Variants in BEST3 observed in about 807,000 individuals in gnomAD.
The protein encoded by BEST3 is bestrophin-3.
BEST3 carries 50 observed loss-of-function variants against 47.1 expected under a neutral mutation model. That is an observed-to-expected ratio of 1.06 (90% CI 0.85 to 1.34). The LOEUF (loss-of-function observed/expected upper bound fraction) is 1.34. BEST3 is among the 40% of genes most tolerant of loss of function. The probability of loss-of-function intolerance (pLI) is 0.00; values close to 1 mark genes in which losing one functional copy is unlikely to be tolerated. For synonymous variants in BEST3, 282 were observed against 298.8 expected (o/e 0.94, Z 0.58); for missense variants, 765 against 817.0 (o/e 0.94, Z 0.78).
intron 9 of BEST3, among the ~76,000 whole-genome samples, chr12:69,662,428 G>A (rs965441970): frequency 1.2e-4 from 19 of 152,094 alleles, no homozygotes; most frequent in Admixed American, 6.6e-4. Flanking sequence ...CTTTAATAAA[G>A]TCTTCACTTA....
At chr12:69,659,087 G>A (rs1005909007) in intron 9 of BEST3, among the ~76,000 whole-genome samples, 2 of 152,192 alleles carry the variant, frequency 1.3e-5, no homozygotes, top group East Asian at 3.9e-4. Flanking sequence ...GTCTTTAGAA[G>A]CACGCTTGGT....
chr12:69,688,974 A>T, intron 4 of BEST3: 1 of 461,482 alleles, frequency 2.2e-6, no homozygotes, highest in Non-Finnish European at 2.8e-6. Flanking sequence ...ACTTTTTCTT[A>T]CAGGTGATTT....
At chr12:69,684,257 C>G in intron 4 of BEST3, 1 of 304,290 alleles carries the variant, frequency 3.3e-6, no homozygotes, top group African/African-American at 2.1e-5. Context: ...TTGTTTATCC[C>G]CAAATCCCTC....
chr12:69,672,435 TG>T (rs1329125791), intron 8 of BEST3, among the ~76,000 whole-genome samples: 1 of 152,232 alleles, frequency 6.6e-6, no homozygotes, highest in Non-Finnish European at 1.5e-5. Context: ...AGACACAAGC[TG>T]GCATGGCCCA....
At chr12:69,648,346 T>A (rs1883103777) in intron 9 of BEST3, among the ~76,000 whole-genome samples, 1 of 151,942 alleles carries the variant, frequency 6.6e-6, no homozygotes, top group South Asian at 2.1e-4. Context: ...AAGAGGGAAT[T>A]TGGGGGGATC....
intron 7 of BEST3, among the ~76,000 whole-genome samples, chr12:69,674,073 G>A (rs710721): frequency 0.48 from 72,224 of 151,718 alleles, 17,353 homozygotes; most frequent in Admixed American, 0.59. Context: ...GCTCGTGTGT[G>A]TGCGTGAGAG....
intron 4 of BEST3, 55 bp from the exon 5 acceptor site, chr12:69,678,948 G>A (rs565900972): frequency 2.0e-5 from 28 of 1,383,878 alleles, no homozygotes; most frequent in African/African-American, 4.4e-5. Context: ...ACACTAATAC[G>A]TTACCATATT....
Position 69,678,911 on chromosome 12 carries a change from AATCGGTAGGT to A in BEST3, c.482-28_482-19del, listed in dbSNP as rs764387474. On this transcript the variant is annotated intron_variant, in intron 4 of 9. Coordinates refer to ENST00000330891, the MANE Select transcript of BEST3 (RefSeq NM_032735.3). ...CATAAAACCTTTACAAAAAAATAAA[AATCGGTAGGT>A]ATACAGACTTAGTTTGACACTAATA... The A allele has an allele frequency of 6.2e-7, 1 of 1,603,592 alleles. No homozygotes were observed. The highest frequency in any genetic ancestry group is 8.5e-7 in the Non-Finnish European group (1 of 1,172,398).
chr12:69,670,515 C>T (rs3847772), intron 9 of BEST3: 253,848 of 702,448 alleles, frequency 0.36, 49,599 homozygotes, highest in South Asian at 0.56. Flanking sequence ...AGAAGTGCCA[C>T]AAACCATCAC....
chr12:69,653,865 G>A lies in BEST3; in HGVS notation c.*1042C>T. ...GACACAGTAACTGGTCCCGTGTTGCGACACGATTAGGATTTTTGCATAAGA... is the reference window on the plus strand; with the variant it reads ...GACACAGTAACTGGTCCCGTGTTGCAACACGATTAGGATTTTTGCATAAGA... On this transcript the variant is annotated 3_prime_UTR_variant, in exon 10 of 10. Transcript: ENST00000330891. 6 of 985,390 alleles carry A rather than the reference G, an allele frequency of 6.1e-6. No individual in the cohort carries two copies. The highest frequency in any genetic ancestry group is 7.2e-6 in the Non-Finnish European group (6 of 829,928). 61.0% of individuals were successfully genotyped at this position (985,390 alleles called of 1,614,324 possible).
At chr12:69,677,297 C>A in intron 5 of BEST3, 40 bp from the exon 6 acceptor site, 2 of 1,550,690 alleles carry the variant, frequency 1.3e-6, no homozygotes, top group Non-Finnish European at 1.8e-6. Flanking sequence ...ACTAAGATGA[C>A]GGGTGTGGTA....
rs763385722 is a variant in BEST3 at position 69,680,310 on chromosome 12, C to CTTCTTTTTTT, written c.482-1418_482-1417insAAAAAAAGAA. Among the ~76,000 whole-genome samples, 83 of 94,956 alleles carry CTTCTTTTTTT rather than the reference C, an allele frequency of 8.7e-4. 10 individuals are homozygous for CTTCTTTTTTT. Among genetic ancestry groups the CTTCTTTTTTT allele is most frequent in the African/African-American group, 9.8e-4 (23 of 23,400 alleles). The allele number at this position is 94,956 out of a possible 152,430, so 62.3% of individuals were successfully genotyped here. A position where few individuals can be genotyped will look rare whatever the true frequency, so the allele number is the denominator to read the frequency against. On this transcript the variant is annotated intron_variant, in intron 4 of 9. Transcript: ENST00000330891. ...TTAAAACTTACAGTTTACACTTGAT[C>CTTCTTTTTTT]TTTTTTTTTTTTTTTTTAGATGGAG...
In BEST3 at chr12:69,677,119, G is replaced by A. The variant is rs369833223; in HGVS notation, c.715-51C>T. On this transcript the variant is annotated intron_variant, in intron 6 of 9. Coordinates refer to ENST00000330891, the MANE Select transcript of BEST3 (RefSeq NM_032735.3). ...GGGGACAGTGCTGGCCTCCCGCAGCGAAGCTACAGTGCCAAGGTAGGCAAG... is the reference window on the plus strand; with the variant it reads ...GGGGACAGTGCTGGCCTCCCGCAGCAAAGCTACAGTGCCAAGGTAGGCAAG... 6.4e-5 allele frequency: 104 copies of A among 1,613,664 alleles called. 1 individual carries two copies. The highest frequency in any genetic ancestry group is 1.3e-4 in the Admixed American group (8 of 59,984).
At chr12:69,689,483 A>G (rs778793024) in intron 4 of BEST3, among the ~76,000 whole-genome samples, 9 of 152,236 alleles carry the variant, frequency 5.9e-5, no homozygotes, top group Non-Finnish European at 1.3e-4. Flanking sequence ...AGTATTTACA[A>G]GCACCAAGAG....
At chr12:69,694,124 C>A in intron 3 of BEST3, 2 of 567,808 alleles carry the variant, frequency 3.5e-6, no homozygotes, top group Non-Finnish European at 6.2e-6. Flanking sequence ...ATATTGACTG[C>A]AAAAATGGAG....
At chr12:69,678,691 C>A in intron 5 of BEST3, 48 bp downstream of exon 5, 1 of 1,579,716 alleles carries the variant, frequency 6.3e-7, no homozygotes, top group East Asian at 2.2e-5. Flanking sequence ...CCAGGTCCTT[C>A]TTGGTCTCTA....
intron 3 of BEST3, 78 bp downstream of exon 3, chr12:69,694,290 AAC>A: frequency 1.2e-6 from 1 of 854,122 alleles, no homozygotes; most frequent in South Asian, 2.0e-5. Flanking sequence ...TCAGCTTGGA[AAC>A]ACTCCCATGC....
chr12:69,666,085 G>A lies in BEST3; in HGVS notation c.1100+5343C>T, dbSNP rs567873656. Among the ~76,000 whole-genome samples, 11 of 152,190 alleles carry A rather than the reference G, an allele frequency of 7.2e-5. No individual in the cohort carries two copies. The South Asian group carries it at 8.3e-4, about 11-fold the overall frequency. The stretch of plus-strand genomic sequence containing the variant: ...CCCAAACTGTAGTGCAGTGGCATGA[G>A]CTTGGCTAACTGCAACCTTCCCCTC... On this transcript the variant is annotated intron_variant, in intron 9 of 9. Transcript: ENST00000330891.
At position 69,697,829 on chromosome 12, in the gene BEST3, G is replaced by C. The variant is rs1397177338; in HGVS notation, c.-15-16C>G. The C allele has an allele frequency of 4.4e-6, 7 of 1,587,530 alleles. No individual in the cohort carries two copies. The highest frequency in any genetic ancestry group is 6.0e-6 in the Non-Finnish European group (7 of 1,169,450). ...ATAGTTTTTTCTAGAAGAGCAAGAA[G>C]ACAAAACACAAGTAAAAAGCAATGT... On this transcript the variant is annotated splice_polypyrimidine_tract_variant and intron_variant, in intron 1 of 9. Transcript: ENST00000330891.
Sources: gnomAD v4.1 joint callset for allele counts (sites outside exome capture counted in the v4.1 genomes callset) on GRCh38, gnomAD v4.1.1 for gene constraint, MANE v1.5 for transcripts, NCBI Gene and HGNC (gene_info 2026-07-23, HGNC 2026-07-21) for gene names.